MDGA2: variants seen among roughly 807,000 people sequenced by gnomAD.
MDGA2 encodes MAM domain-containing glycosylphosphatidylinositol anchor protein 2.
Under a neutral mutation model 117.8 loss-of-function variants are expected in MDGA2, and 40 were observed. That is an observed-to-expected ratio of 0.34 (90% CI 0.26 to 0.44). The LOEUF is 0.44. MDGA2 is among the 20% of genes least tolerant of loss of function. The pLI, the probability that MDGA2 is intolerant of heterozygous loss-of-function variation, is 1.00. For synonymous variants in MDGA2, 452 were observed against 439.0 expected (o/e 1.03, Z -0.37); for missense variants, 1,123 against 1,250.6 (o/e 0.90, Z 1.54).
intron 1 of MDGA2, among the ~76,000 whole-genome samples, chr14:47,442,113 G>C (rs2138550134): frequency 6.6e-6 from 1 of 152,238 alleles, no homozygotes; most frequent in Admixed American, 6.5e-5. Flanking sequence ...TCATAGGTTG[G>C]GATCAATTTT....
At chr14:47,201,137 A>AT in intron 3 of MDGA2, 2 of 736,804 alleles carry the variant, frequency 2.7e-6, no homozygotes, top group Non-Finnish European at 5.1e-6. Flanking sequence ...CCCTTTTTCT[A>AT]TTTTTATTGC....
At chr14:47,109,433 T>C (rs1363354869) in intron 5 of MDGA2, among the ~76,000 whole-genome samples, 1 of 152,110 alleles carries the variant, frequency 6.6e-6, no homozygotes, top group Non-Finnish European at 1.5e-5. Context: ...TACCCCCTCA[T>C]TAGGACATTT....
chr14:47,644,796 G>A (rs1383709123), intron 1 of MDGA2, among the ~76,000 whole-genome samples: 5 of 151,954 alleles, frequency 3.3e-5, no homozygotes, highest in Non-Finnish European at 7.4e-5. Context: ...CATGTATATG[G>A]AAACATTACA....
At chr14:46,894,763 AAAC>A (rs1170305901) in intron 10 of MDGA2, among the ~76,000 whole-genome samples, 1 of 152,192 alleles carries the variant, frequency 6.6e-6, no homozygotes, top group Non-Finnish European at 1.5e-5. Context: ...TGTTAAAGCA[AAAC>A]AACATTGAAA....
chr14:47,358,388 T>G (rs369826510), intron 1 of MDGA2, among the ~76,000 whole-genome samples: 38 of 152,352 alleles, frequency 2.5e-4, no homozygotes, highest in African/African-American at 8.9e-4. Flanking sequence ...TTGGTTGTGG[T>G]CATTAGACTG....
intron 8 of MDGA2, among the ~76,000 whole-genome samples, chr14:46,969,640 C>G (rs1189863496): frequency 1.3e-5 from 2 of 151,776 alleles, no homozygotes; most frequent in Non-Finnish European, 2.9e-5. Flanking sequence ...ATTGTAGATT[C>G]TGGATATTAG....
chr14:47,369,206 T>C (rs1227258865), intron 1 of MDGA2, among the ~76,000 whole-genome samples: 2 of 152,092 alleles, frequency 1.3e-5, no homozygotes, highest in Non-Finnish European at 2.9e-5. Flanking sequence ...CCAATGACAG[T>C]AAAAATCCTC....
At chr14:47,228,231 A>T (rs1266590442) in intron 2 of MDGA2, among the ~76,000 whole-genome samples, 4 of 152,198 alleles carry the variant, frequency 2.6e-5, no homozygotes, top group African/African-American at 9.6e-5. Flanking sequence ...AAGTAGTAAA[A>T]TAGTCATTTA....
At chr14:47,638,648 T>G (rs1014870340) in intron 1 of MDGA2, among the ~76,000 whole-genome samples, 2 of 152,160 alleles carry the variant, frequency 1.3e-5, no homozygotes, top group African/African-American at 2.4e-5. Context: ...ACTTTCAAAA[T>G]GCATCATGAA....
intron 1 of MDGA2, among the ~76,000 whole-genome samples, chr14:47,520,123 G>A (rs1000220021): frequency 1.6e-4 from 24 of 152,192 alleles, no homozygotes; most frequent in Non-Finnish European, 2.9e-4. Flanking sequence ...AGACCTCTGA[G>A]CCATATTCCC....
chr14:47,220,130 C>G (rs1360077021), intron 2 of MDGA2, among the ~76,000 whole-genome samples: 1 of 152,010 alleles, frequency 6.6e-6, no homozygotes, highest in East Asian at 1.9e-4. Flanking sequence ...TTATTCTCTA[C>G]TTTTAAGAAA....
In MDGA2 at chr14:47,477,921, C is replaced by G. The variant is rs759526027; in HGVS notation, c.281-176371G>C. On this transcript the variant is annotated intron_variant, in intron 1 of 16. Transcript: ENST00000399232. ...TGTCCCTGAAGGTTAAGGCACCTGT[C>G]CATGCCAAAACAGCTAATTAGTAAA... Among the ~76,000 whole-genome samples, 65 of 152,318 alleles carry G rather than the reference C, an allele frequency of 4.3e-4. No individual in the cohort carries two copies. In the Middle Eastern group the frequency reaches 0.02, roughly 48 times the overall value.
intron 1 of MDGA2, chr14:47,342,946 T>G: frequency 5.3e-6 from 3 of 570,756 alleles, no homozygotes; most frequent in South Asian, 4.5e-5. Flanking sequence ...CCATACCTTC[T>G]GAAGTCACAG....
intron 5 of MDGA2, among the ~76,000 whole-genome samples, chr14:47,131,106 A>T (rs1882184427): frequency 1.3e-5 from 2 of 151,968 alleles, no homozygotes; most frequent in Admixed American, 1.3e-4. Flanking sequence ...GTAATTCTTT[A>T]TGCACATTCA....
chr14:47,120,495 T>C (rs375808495), intron 5 of MDGA2, among the ~76,000 whole-genome samples: 2 of 152,246 alleles, frequency 1.3e-5, no homozygotes, highest in East Asian at 3.9e-4. Flanking sequence ...TAAAGCATAT[T>C]ACTAAACAAC....
At chr14:47,102,674 C>G (rs145606288) in intron 5 of MDGA2, among the ~76,000 whole-genome samples, 1 of 152,136 alleles carries the variant, frequency 6.6e-6, no homozygotes, top group Admixed American at 6.5e-5. Context: ...GTCAAGGGCA[C>G]CGCAAAGCTC....
At chr14:47,361,184 G>T (rs921122400) in intron 1 of MDGA2, among the ~76,000 whole-genome samples, 1 of 127,406 alleles carries the variant, frequency 7.8e-6, no homozygotes, top group Non-Finnish European at 1.7e-5. Flanking sequence ...ATGTCATGTT[G>T]TACTCTCTCT....
chr14:47,666,041 TG>T (rs1468867484), intron 1 of MDGA2, among the ~76,000 whole-genome samples: 2 of 151,208 alleles, frequency 1.3e-5, no homozygotes, highest in African/African-American at 4.9e-5. Flanking sequence ...AGTGGGAACT[TG>T]GAGAACTTTA....
At chr14:47,091,817 A>G (rs1879673267) in intron 6 of MDGA2, among the ~76,000 whole-genome samples, 1 of 152,200 alleles carries the variant, frequency 6.6e-6, no homozygotes, top group South Asian at 2.1e-4. Flanking sequence ...CCATTTCCCG[A>G]TGACAGGGAT....
Sources: allele counts gnomAD v4.1 joint callset (sites outside exome capture counted in the v4.1 genomes callset), GRCh38; gene constraint gnomAD v4.1.1; transcripts MANE v1.5; gene names NCBI Gene and HGNC (gene_info 2026-07-23, HGNC 2026-07-21).